ADAMTS17: variants seen among roughly 807,000 people sequenced by gnomAD.
ADAMTS17 encodes the protein A disintegrin and metalloproteinase with thrombospondin motifs 17.
In ADAMTS17, 113 loss-of-function variants were observed where a neutral mutation model predicts 141.5. That is an observed-to-expected ratio of 0.80 (90% CI 0.69 to 0.93). The LOEUF (loss-of-function observed/expected upper bound fraction) is 0.93. Among genes scored for constraint, ADAMTS17 ranks in the 40% least tolerant of loss-of-function variants. ADAMTS17 has a pLI of 0.00. For synonymous variants in ADAMTS17, 768 were observed against 630.6 expected (o/e 1.22, Z -3.27); for missense variants, 1,659 against 1,517.9 (o/e 1.09, Z -1.54).
chr15:100,149,181 G>A (rs572283252), intron 10 of ADAMTS17, among the ~76,000 whole-genome samples: 1 of 152,348 alleles, frequency 6.6e-6, no homozygotes, highest in South Asian at 2.1e-4. Flanking sequence ...GCAGGGCCTG[G>A]AGCCCTGAAG....
chr15:100,138,135 G>C (rs1048458064), intron 10 of ADAMTS17, among the ~76,000 whole-genome samples: 1 of 122,290 alleles, frequency 8.2e-6, no homozygotes, highest in Non-Finnish European at 1.9e-5. Flanking sequence ...AGGGAATCTG[G>C]AAGGGTGTTT....
At chr15:100,145,398 G>A (rs1032949731) in intron 10 of ADAMTS17, among the ~76,000 whole-genome samples, 5 of 152,192 alleles carry the variant, frequency 3.3e-5, no homozygotes, top group Non-Finnish European at 7.3e-5. Context: ...TCGTTTTACA[G>A]CATCTAGCAA....
At chr15:100,049,579 T>C (rs554338129) in intron 17 of ADAMTS17, among the ~76,000 whole-genome samples, 2 of 152,322 alleles carry the variant, frequency 1.3e-5, no homozygotes, top group African/African-American at 4.8e-5. Context: ...TAATTCATTA[T>C]CCCAAATAGA....
rs933252123 is a variant in ADAMTS17 at position 99,993,678 on chromosome 15, G to C, written c.2797-478C>G. Among the ~76,000 whole-genome samples, 3 of 152,112 alleles carry C rather than the reference G, an allele frequency of 2.0e-5. No individual in the cohort carries two copies. Among genetic ancestry groups the C allele is most frequent in the East Asian group, 1.9e-4 (1 of 5,190 alleles). Reference sequence around the variant, plus strand: ...TGGACCAGCCTGGGACAAACTCCTCGATCCAGCCGGGAGAAGGAGGAGGAG... The same window carrying C: ...TGGACCAGCCTGGGACAAACTCCTCCATCCAGCCGGGAGAAGGAGGAGGAG... On this transcript the variant is annotated intron_variant, in intron 19 of 21. Transcript: ENST00000268070. The surrounding 1 kb of genome is among the most constrained non-coding windows in gnomAD (Gnocchi z 4.3).
intron 12 of ADAMTS17, among the ~76,000 whole-genome samples, chr15:100,122,806 A>C (rs888163133): frequency 6.6e-5 from 10 of 152,154 alleles, no homozygotes; most frequent in Non-Finnish European, 1.2e-4. Context: ...TCATCTTCAC[A>C]TTGAGTTGGC....
chr15:100,220,641 G>C (rs1311398423), intron 7 of ADAMTS17, among the ~76,000 whole-genome samples: 1 of 152,046 alleles, frequency 6.6e-6, no homozygotes, highest in Non-Finnish European at 1.5e-5. Context: ...CACTCTTATA[G>C]CTAGGGTGAT....
intron 18 of ADAMTS17, among the ~76,000 whole-genome samples, chr15:100,005,088 C>G (rs186577852): frequency 3.3e-5 from 5 of 152,168 alleles, no homozygotes; most frequent in Non-Finnish European, 7.4e-5. Context: ...TCACAGTTAA[C>G]GCTTCTCTAA....
At chr15:100,255,244 G>C (rs948531082) in intron 6 of ADAMTS17, among the ~76,000 whole-genome samples, 1 of 152,138 alleles carries the variant, frequency 6.6e-6, no homozygotes, top group African/African-American at 2.4e-5. Context: ...ATCAACCACA[G>C]AGGGTTGGCT....
At chr15:100,231,229 T>G (rs4965604) in intron 7 of ADAMTS17, among the ~76,000 whole-genome samples, 11,911 of 152,282 alleles carry the variant, frequency 0.078, 605 homozygotes, top group East Asian at 0.15. Context: ...ACTCATGCCA[T>G]TTGTCAAAGA....
At chr15:100,122,382 A>G (rs2037494790) in intron 12 of ADAMTS17, among the ~76,000 whole-genome samples, 1 of 152,162 alleles carries the variant, frequency 6.6e-6, no homozygotes, top group Admixed American at 6.5e-5. Context: ...TAGGTACACA[A>G]TTTGCTACCT....
intron 15 of ADAMTS17, chr15:100,063,516 A>T (rs912075577): frequency 1.7e-5 from 8 of 464,470 alleles, no homozygotes; most frequent in Admixed American, 5.5e-5. Flanking sequence ...TGTTAGTCAA[A>T]TATGACAGCA....
intron 8 of ADAMTS17, among the ~76,000 whole-genome samples, chr15:100,166,360 C>A (rs1246573581): frequency 6.6e-6 from 1 of 151,916 alleles, no homozygotes; most frequent in Admixed American, 6.6e-5. Context: ...CATTTTGCTT[C>A]ATCCTTTTCT....
chr15:100,110,422 G>A (rs2036699484), intron 13 of ADAMTS17, among the ~76,000 whole-genome samples: 1 of 151,392 alleles, frequency 6.6e-6, no homozygotes, highest in African/African-American at 2.4e-5. Context: ...CCGCCACCAT[G>A]CCTGGCTAAT....
chr15:100,190,439 G>C (rs2040874545), intron 8 of ADAMTS17, among the ~76,000 whole-genome samples: 1 of 152,224 alleles, frequency 6.6e-6, no homozygotes, highest in African/African-American at 2.4e-5. Context: ...GTGCCATTGA[G>C]TGGGCTGGTG....
chr15:99,998,477 G>A (rs974615313), intron 18 of ADAMTS17, among the ~76,000 whole-genome samples: 4 of 152,126 alleles, frequency 2.6e-5, no homozygotes, highest in Non-Finnish European at 5.9e-5. Context: ...GGTGGTGCAC[G>A]CCTGTAGTCC....
chr15:100,048,646 C>T (rs1419999091), intron 18 of ADAMTS17, among the ~76,000 whole-genome samples: 1 of 131,464 alleles, frequency 7.6e-6, no homozygotes, highest in Non-Finnish European at 1.5e-5. Flanking sequence ...GTCTCCTACA[C>T]AATGCCTTCC....
At chr15:100,046,101 G>C (rs548683614) in intron 18 of ADAMTS17, among the ~76,000 whole-genome samples, 28 of 152,172 alleles carry the variant, frequency 1.8e-4, no homozygotes, top group Non-Finnish European at 3.2e-4. Flanking sequence ...GGCTGATCTC[G>C]TACTCCTGAC....
intron 11 of ADAMTS17, among the ~76,000 whole-genome samples, chr15:100,132,902 G>A (rs1419260520): frequency 6.6e-6 from 1 of 152,210 alleles, no homozygotes; most frequent in Non-Finnish European, 1.5e-5. Context: ...TACTGTGTAT[G>A]GCAGGTGATG....
chr15:100,240,353 C>T (rs2042792995), intron 7 of ADAMTS17, among the ~76,000 whole-genome samples: 1 of 152,334 alleles, frequency 6.6e-6, no homozygotes, highest in South Asian at 2.1e-4. Flanking sequence ...GAATGTGTTC[C>T]AAGACCATAG....
Sources: gnomAD v4.1 joint callset for allele counts (sites outside exome capture counted in the v4.1 genomes callset) on GRCh38, gnomAD v4.1.1 for gene constraint, Gnocchi (gnomAD v3.1) non-coding constraint, MANE v1.5 for transcripts, NCBI Gene and HGNC (gene_info 2026-07-23, HGNC 2026-07-21) for gene names.